Variants in KCND2 observed in about 807,000 individuals in gnomAD.
KCND2 encodes the protein A-type voltage-gated potassium channel KCND2.
Under a neutral mutation model 54.4 loss-of-function variants are expected in KCND2, and 16 were observed. The ratio of observed to expected loss-of-function variants is 0.29; its 90% CI spans 0.20 to 0.45. The LOEUF is 0.45. Among genes scored for constraint, KCND2 ranks in the 20% least tolerant of loss-of-function variants. The pLI is 1.00. For missense variants in KCND2, 486 were observed against 824.2 expected, an observed-to-expected ratio of 0.59 and a Z score of 5.02; for synonymous variants, 317 against 310.7, an observed-to-expected ratio of 1.02 and a Z score of -0.21.
chr7:120,547,905 G>A (rs1174521013), intron 1 of KCND2, among the ~76,000 whole-genome samples: 3 of 151,930 alleles, frequency 2.0e-5, no homozygotes, highest in Non-Finnish European at 4.4e-5. Context: ...GCCTTTCTCA[G>A]GATAGAAAGA....
chr7:120,533,296 C>T (rs1053156033), intron 1 of KCND2, among the ~76,000 whole-genome samples: 8 of 151,934 alleles, frequency 5.3e-5, no homozygotes, highest in Non-Finnish European at 1.0e-4. Flanking sequence ...CACCTTTTGC[C>T]GAACTTGTAA....
At chr7:120,369,593 C>A (rs1471010506) in intron 1 of KCND2, among the ~76,000 whole-genome samples, 1 of 152,016 alleles carries the variant, frequency 6.6e-6, no homozygotes, top group African/African-American at 2.4e-5. Context: ...AATATGAAAT[C>A]CCTCATTTTA....
intron 1 of KCND2, among the ~76,000 whole-genome samples, chr7:120,633,943 C>T (rs973829523): frequency 6.6e-6 from 1 of 152,018 alleles, no homozygotes; most frequent in African/African-American, 2.4e-5. Context: ...CAGCATTTGG[C>T]AAATATTTTA....
intron 1 of KCND2, among the ~76,000 whole-genome samples, chr7:120,673,922 T>TTTTTTTTTTTTTTTTTTTTTTTTTTTC (rs1562905362): frequency 6.6e-6 from 1 of 151,124 alleles, no homozygotes; most frequent in African/African-American, 2.4e-5. Flanking sequence ...TTTTTTTTTT[T>TTTTTTTTTTTTTTTTTTTTTTTTTTTC]CTACAGGAGC....
intron 1 of KCND2, among the ~76,000 whole-genome samples, chr7:120,594,331 C>CT (rs1307983711): frequency 6.6e-6 from 1 of 152,210 alleles, no homozygotes; most frequent in Non-Finnish European, 1.5e-5. Context: ...GTTGCTTTCA[C>CT]AAATTACCAT....
chr7:120,395,379 AT>A (rs901673048), intron 1 of KCND2, among the ~76,000 whole-genome samples: 1 of 152,064 alleles, frequency 6.6e-6, no homozygotes, highest in African/African-American at 2.4e-5. Context: ...GAAAATTAAC[AT>A]TGGCTTACAG....
chr7:120,623,659 A>G (rs1326899462), intron 1 of KCND2, among the ~76,000 whole-genome samples: 2 of 152,236 alleles, frequency 1.3e-5, no homozygotes, highest in Admixed American at 6.5e-5. Context: ...GAGATAGTCA[A>G]TAATATTTAT....
chr7:120,637,803 A>G (rs921114715), intron 1 of KCND2, among the ~76,000 whole-genome samples: 1 of 152,116 alleles, frequency 6.6e-6, no homozygotes, highest in South Asian at 2.1e-4. Flanking sequence ...TAGTCTGGCA[A>G]GTACGATAAA....
chr7:120,613,467 G>T (rs970470022), intron 1 of KCND2, among the ~76,000 whole-genome samples: 2 of 152,182 alleles, frequency 1.3e-5, no homozygotes, highest in Admixed American at 6.5e-5. Flanking sequence ...AGAGGCGGGG[G>T]TTGCTGTGGG....
chr7:120,622,533 CAAAT>C lies in KCND2; in HGVS notation c.1116-110360_1116-110357del, dbSNP rs1470711866. Among the ~76,000 whole-genome samples, 8 of 151,514 alleles carry C rather than the reference CAAAT, an allele frequency of 5.3e-5. No individual in the cohort carries two copies. The South Asian group carries it at 1.0e-3, about 20-fold the overall frequency. ...TAATTTCTGTTAATAAGTAAACAAA[CAAAT>C]AAATAAATATATAAAATATACCGCA... On this transcript the variant is annotated intron_variant, in intron 1 of 5. Coordinates refer to ENST00000331113, the MANE Select transcript of KCND2 (RefSeq NM_012281.3).
At chr7:120,692,847 G>C (rs1171320304) in intron 1 of KCND2, among the ~76,000 whole-genome samples, 1 of 152,216 alleles carries the variant, frequency 6.6e-6, no homozygotes, top group Non-Finnish European at 1.5e-5. Context: ...TCCTATGAAA[G>C]AAGGTGCTTT....
chr7:120,383,342 C>T (rs1332466084), intron 1 of KCND2, among the ~76,000 whole-genome samples: 2 of 151,918 alleles, frequency 1.3e-5, no homozygotes, highest in Non-Finnish European at 2.9e-5. Context: ...TCTTATTTTC[C>T]ATTTGGCACC....
At chr7:120,514,236 A>C (rs1803162904) in intron 1 of KCND2, among the ~76,000 whole-genome samples, 1 of 152,114 alleles carries the variant, frequency 6.6e-6, no homozygotes, top group Non-Finnish European at 1.5e-5. Flanking sequence ...TTTGCTCATG[A>C]CCAGTGACCT....
intron 1 of KCND2, among the ~76,000 whole-genome samples, chr7:120,515,032 T>G (rs1210495460): frequency 1.3e-5 from 2 of 149,896 alleles, no homozygotes; most frequent in African/African-American, 4.9e-5. Context: ...TTTTCTTTCT[T>G]TGTAATATTA....
chr7:120,695,510 G>C (rs1199791253), intron 1 of KCND2, among the ~76,000 whole-genome samples: 1 of 152,126 alleles, frequency 6.6e-6, no homozygotes, highest in African/African-American at 2.4e-5. Flanking sequence ...TATAATATCT[G>C]ATGCTTTTTA....
chr7:120,431,056 G>A (rs558017337), intron 1 of KCND2, among the ~76,000 whole-genome samples: 28 of 152,258 alleles, frequency 1.8e-4, no homozygotes, highest in African/African-American at 6.5e-4. Context: ...AGACTAATAT[G>A]TTTAACATCT....
In KCND2 at chr7:120,403,146, A is replaced by G. The variant is rs535238405; in HGVS notation, c.1115+127399A>G. Reference sequence around the variant, plus strand: ...GACAAATTCTCCCTTCCAGGGATTAACCCAAACCAAATTATAATATCTTAA... The same window carrying G: ...GACAAATTCTCCCTTCCAGGGATTAGCCCAAACCAAATTATAATATCTTAA... On this transcript the variant is annotated intron_variant, in intron 1 of 5. Transcript: ENST00000331113. 2.2e-4 allele frequency among the ~76,000 whole-genome samples: 34 copies of G among 152,282 alleles called. No individual in the cohort carries two copies. The South Asian group carries it at 6.6e-3, about 30-fold the overall frequency.
At chr7:120,725,105 A>T (rs1792717134) in intron 1 of KCND2, among the ~76,000 whole-genome samples, 2 of 152,126 alleles carry the variant, frequency 1.3e-5, no homozygotes, top group Admixed American at 6.5e-5. Context: ...TGGTTTTTTT[A>T]AAAAAGCACA....
intron 1 of KCND2, among the ~76,000 whole-genome samples, chr7:120,279,155 A>G (rs1007426013): frequency 2.0e-5 from 3 of 152,032 alleles, no homozygotes; most frequent in Non-Finnish European, 4.4e-5. Flanking sequence ...GTGTTCACCA[A>G]TAATCAAAAA....
Sources: gnomAD v4.1 joint callset for allele counts (sites outside exome capture counted in the v4.1 genomes callset) on GRCh38, gnomAD v4.1.1 for gene constraint, MANE v1.5 for transcripts, NCBI Gene and HGNC (gene_info 2026-07-23, HGNC 2026-07-21) for gene names.